The following DPP6 variants were observed in gnomAD, a reference collection of about 807,000 sequenced individuals.
DPP6 encodes dipeptidyl peptidase like 6, also known as A-type potassium channel modulatory protein DPP6.
DPP6 carries 69 observed loss-of-function variants against 122.6 expected under a neutral mutation model. That is an observed-to-expected ratio of 0.56 (90% confidence interval 0.46 to 0.69). The LOEUF is 0.69. Among genes scored for constraint, DPP6 ranks in the 30% least tolerant of loss-of-function variants. DPP6 has a pLI of 0.00. For synonymous variants in DPP6, 418 were observed against 433.1 expected (o/e 0.97, Z 0.43); for missense variants, 928 against 1,116.9 (o/e 0.83, Z 2.41).
intron 1 of DPP6, among the ~76,000 whole-genome samples, chr7:154,219,365 GC>G (rs1035807637): frequency 1.3e-5 from 2 of 152,128 alleles, no homozygotes; most frequent in Admixed American, 1.3e-4. Context: ...CTGTTTCTTT[GC>G]CCAACAATAC....
intron 1 of DPP6, among the ~76,000 whole-genome samples, chr7:154,369,442 A>G (rs1192993381): frequency 6.6e-6 from 1 of 151,536 alleles, no homozygotes; most frequent in Non-Finnish European, 1.5e-5. Flanking sequence ...ATCTTGGCTC[A>G]CTGCAACCTT....
Position 153,987,822 on chromosome 7 carries a change from T to C in DPP6, c.51+100088T>C, listed in dbSNP as rs574521479. ...GTGTGTAAGTGCAGCATAAATAAAA[T>C]GGCATCCTCCTTCACAGCCAAGGGG... On this transcript the variant is annotated intron_variant, in intron 1 of 25. Transcript: ENST00000404039. Among the ~76,000 whole-genome samples, 544 of 152,254 alleles carry C rather than the reference T, an allele frequency of 3.6e-3. 3 individuals are homozygous for C. Among genetic ancestry groups the C allele is most frequent in the African/African-American group, 0.012 (510 of 41,548 alleles).
intron 1 of DPP6, among the ~76,000 whole-genome samples, chr7:153,954,221 G>A (rs1802351984): frequency 6.6e-6 from 1 of 152,150 alleles, no homozygotes; most frequent in South Asian, 2.1e-4. Flanking sequence ...TCTGTAAAGT[G>A]TCACTATCGC....
chr7:154,216,349 GAC>G (rs1445598341), intron 1 of DPP6, among the ~76,000 whole-genome samples: 1 of 152,190 alleles, frequency 6.6e-6, no homozygotes, highest in Non-Finnish European at 1.5e-5. Context: ...AAAAGCACTG[GAC>G]AGTGACCCTT....
chr7:154,828,269 C>G (rs1193781406), intron 16 of DPP6, among the ~76,000 whole-genome samples: 3 of 152,022 alleles, frequency 2.0e-5, no homozygotes, highest in African/African-American at 7.3e-5. Flanking sequence ...GGGCAAAGTC[C>G]TTTGCCCTGT....
chr7:154,680,686 A>ATATATAT (rs372444601), intron 7 of DPP6, among the ~76,000 whole-genome samples: 6 of 133,498 alleles, frequency 4.5e-5, no homozygotes, highest in South Asian at 2.4e-4. Flanking sequence ...TTATATATAT[A>ATATATAT]TTTTTTTTAA....
intron 7 of DPP6, among the ~76,000 whole-genome samples, chr7:154,669,802 T>C (rs1838439638): frequency 6.6e-6 from 1 of 152,072 alleles, no homozygotes; most frequent in Admixed American, 6.6e-5. Flanking sequence ...GATTTTGTCA[T>C]CTAAAGATGC....
At chr7:154,189,999 A>G (rs1000826562) in intron 1 of DPP6, among the ~76,000 whole-genome samples, 3 of 152,232 alleles carry the variant, frequency 2.0e-5, no homozygotes, top group African/African-American at 7.2e-5. Context: ...TTTAACCAAC[A>G]GTCAAAAATT....
At position 154,196,017 on chromosome 7, in the gene DPP6, C is replaced by A. The variant is rs113138546; in HGVS notation, c.243+142954C>A. On this transcript the variant is annotated intron_variant, in intron 1 of 25. Coordinates refer to ENST00000377770, the MANE Select transcript of DPP6 (RefSeq NM_130797.4). ...TCATGTACTCCTGTTGGTATTAGCC[C>A]CTCTTACTTTGTGCCACCAGATCAG... Among the ~76,000 whole-genome samples, 1,328 of 152,290 alleles carry A rather than the reference C, an allele frequency of 8.7e-3. 11 individuals are homozygous for A. The highest frequency in any genetic ancestry group is 0.017 in the Middle Eastern group (5 of 294).
intron 8 of DPP6, among the ~76,000 whole-genome samples, chr7:154,737,686 G>A (rs1297342657): frequency 6.6e-6 from 1 of 152,150 alleles, no homozygotes; most frequent in Non-Finnish European, 1.5e-5. Context: ...CATATGAGTT[G>A]CATTAATTTC....
chr7:154,620,971 C>A (rs1465564676), intron 5 of DPP6, among the ~76,000 whole-genome samples: 8 of 152,178 alleles, frequency 5.3e-5, no homozygotes, highest in Non-Finnish European at 1.5e-5. Context: ...GAATGCCATA[C>A]ACTTGAAATC....
chr7:154,453,311 C>A (rs927685644), intron 2 of DPP6, among the ~76,000 whole-genome samples: 1 of 152,088 alleles, frequency 6.6e-6, no homozygotes, highest in African/African-American at 2.4e-5. Flanking sequence ...AATGGAGGTT[C>A]TGGGTTAAGG....
intron 1 of DPP6, among the ~76,000 whole-genome samples, chr7:153,933,797 C>T (rs1235816401): frequency 6.6e-6 from 1 of 152,146 alleles, no homozygotes; most frequent in Admixed American, 6.5e-5. Context: ...TCTCCCTAGC[C>T]ATGTCCTGTG....
At chr7:154,360,181 C>A (rs1404877677) in intron 1 of DPP6, among the ~76,000 whole-genome samples, 1 of 152,138 alleles carries the variant, frequency 6.6e-6, no homozygotes, top group Non-Finnish European at 1.5e-5. Flanking sequence ...GTTATATTAA[C>A]TTTATTTATT....
chr7:154,010,538 A>G (rs1798112191), intron 1 of DPP6, among the ~76,000 whole-genome samples: 1 of 152,242 alleles, frequency 6.6e-6, no homozygotes, highest in Admixed American at 6.5e-5. Flanking sequence ...GTGCATGTCA[A>G]TATTTTGTTT....
chr7:153,773,954 G>A, the DPP6 span, among the ~76,000 whole-genome samples: 1 of 151,048 alleles, frequency 6.6e-6, no homozygotes, highest in Non-Finnish European at 1.5e-5. Context: ...TGATAAACCT[G>A]TAACTGAACT....
the DPP6 span, among the ~76,000 whole-genome samples, chr7:153,800,407 A>G: frequency 6.6e-6 from 1 of 152,228 alleles, no homozygotes; most frequent in African/African-American, 2.4e-5. Context: ...AATATTGGTT[A>G]CAGACGCTGG....
At chr7:154,050,705 C>A (rs1290864699), upstream of DPP6, among the ~76,000 whole-genome samples, 1 of 151,264 alleles carries the variant, frequency 6.6e-6, no homozygotes, top group Non-Finnish European at 1.5e-5. Context: ...AAGCTCTCCC[C>A]ACCCCAGACC....
At chr7:154,127,028 A>C (rs1382637233) in intron 1 of DPP6, among the ~76,000 whole-genome samples, 1 of 152,122 alleles carries the variant, frequency 6.6e-6, no homozygotes, top group Non-Finnish European at 1.5e-5. Context: ...GCATAGTTAA[A>C]TCCATCGTAA....
Sources: gnomAD v4.1 joint callset for allele counts (sites outside exome capture counted in the v4.1 genomes callset) on GRCh38, gnomAD v4.1.1 for gene constraint, MANE v1.5 for transcripts, NCBI Gene and HGNC (gene_info 2026-07-23, HGNC 2026-07-21) for gene names.